ZNF99: variants seen among roughly 807,000 people sequenced by gnomAD.
ZNF99 encodes the protein zinc finger protein 99.
In ZNF99, 8 loss-of-function variants were observed where a neutral mutation model predicts 12.8. The ratio of observed to expected loss-of-function variants is 0.62; its 90% confidence interval spans 0.37 to 1.13. ZNF99 has a LOEUF of 1.13. Ranked by LOEUF, ZNF99 falls within the 50% of genes most tolerant of loss-of-function variation. The pLI, the probability that ZNF99 is intolerant of heterozygous loss-of-function variation, is 0.02. For missense variants in ZNF99, 1,007 were observed against 1,006.2 expected (o/e 1.00, Z -0.01); for synonymous variants, 318 against 319.0 (o/e 1.00, Z 0.03).
At chr19:22,771,492 T>C (rs1973270098) in intron 1 of ZNF99, among the ~76,000 whole-genome samples, 1 of 151,846 alleles carries the variant, frequency 6.6e-6, no homozygotes, top group East Asian at 2.0e-4. Context: ...CCTGACCTCG[T>C]GATCCGCCTG....
chr19:22,757,721 C>T lies in ZNF99; in HGVS notation c.2188G>A (p.Glu730Lys), dbSNP rs772856271. ...LRKHEIIHTGEKPYKCEECGK... is the reference protein window; with the variant it reads ...LRKHEIIHTGKKPYKCEECGK... ...CATTCTTCACATTTGTAGGGTTTCTCTCCAGTATGAATTATCTCATGTTTT... is the reference window on the plus strand; with the variant it reads ...CATTCTTCACATTTGTAGGGTTTCTTTCCAGTATGAATTATCTCATGTTTT... The change falls in exon 4 of 4, where the codon GAG becomes AAG. Residue 730 changes from glutamate to lysine, a missense_variant. Glu to Lys is a moderately conservative substitution (Grantham distance 56, BLOSUM62 1). Coordinates refer to ENST00000596209, the MANE Select transcript of ZNF99 (RefSeq NM_001080409.3). The T allele has an allele frequency of 6.2e-7, 1 of 1,611,114 alleles. No individual in the cohort carries two copies. The highest frequency in any genetic ancestry group is 8.5e-7 in the Non-Finnish European group (1 of 1,179,462).
In ZNF99 at chr19:22,784,138, C is replaced by A; in HGVS notation, c.-122G>T. On this transcript the variant is annotated 5_prime_UTR_variant, in exon 1 of 4. Coordinates refer to ENST00000596209, the MANE Select transcript of ZNF99 (RefSeq NM_001080409.3). ...ACGAGATCCGGAGCTCCAGCTGGAA[C>A]CAGAAACAACGGCCCCGCCACATCC... is the stretch of plus-strand genomic sequence containing the variant. The A allele has an allele frequency of 9.1e-7, 1 of 1,098,620 alleles. No homozygotes were observed. The highest frequency in any genetic ancestry group is 1.3e-6 in the Non-Finnish European group (1 of 763,314). 68.1% of individuals were successfully genotyped at this position (1,098,620 alleles called of 1,614,324 possible).
At chr19:22,769,770 A>T (rs1973245725) in intron 1 of ZNF99, 5 of 1,065,206 alleles carry the variant, frequency 4.7e-6, no homozygotes, top group Non-Finnish European at 4.9e-6. Flanking sequence ...CAAAAAAAAA[A>T]AAATAAAGAA....
intron 1 of ZNF99, among the ~76,000 whole-genome samples, chr19:22,775,232 A>G (rs1277513828): frequency 6.6e-6 from 1 of 152,178 alleles, no homozygotes; most frequent in Non-Finnish European, 1.5e-5. Context: ...ACAATGCAAC[A>G]GAATAGAGAG....
chr19:22,778,773 AG>A (rs1414452106), intron 1 of ZNF99, among the ~76,000 whole-genome samples: 1 of 152,192 alleles, frequency 6.6e-6, no homozygotes. Flanking sequence ...TGGGAGGCCA[AG>A]GTGGGCGATC....
In ZNF99 at chr19:22,757,007, T is replaced by C. The variant is rs372000791; in HGVS notation, c.*307A>G. On this transcript the variant is annotated 3_prime_UTR_variant, in exon 4 of 4. Transcript: ENST00000596209. ...CTTATGTTTCCTAAGGGCTGAGAAATTGCTAAAAGCTTTGCCACATTCTTC... is the reference window on the plus strand; with the variant it reads ...CTTATGTTTCCTAAGGGCTGAGAAACTGCTAAAAGCTTTGCCACATTCTTC... The C allele has an allele frequency of 5.0e-6, 8 of 1,612,790 alleles. No individual in the cohort carries two copies. In the African/African-American group the frequency reaches 1.1e-4, roughly 22 times the overall value.
chr19:22,771,883 AATTTTTGT>A (rs1435051467), intron 1 of ZNF99, among the ~76,000 whole-genome samples: 1 of 133,714 alleles, frequency 7.5e-6, no homozygotes. Context: ...ACGCCCGGCT[AATTTTTGT>A]ATTTTTAGTA....
intron 1 of ZNF99, among the ~76,000 whole-genome samples, chr19:22,782,093 A>G (rs1973393974): frequency 6.6e-6 from 1 of 152,214 alleles, no homozygotes; most frequent in African/African-American, 2.4e-5. Flanking sequence ...AAAATAAAAT[A>G]CAGTATCAAA....
At position 22,753,255 on chromosome 19, in the gene ZNF99, G is replaced by A. The variant is rs948146149; in HGVS notation, c.*4059C>T. 6.6e-6 allele frequency: 1 copy of A among 151,630 alleles called. No homozygotes were observed. The highest frequency in any genetic ancestry group is 1.5e-5 in the Non-Finnish European group (1 of 67,918). 9.4% of individuals were successfully genotyped at this position (151,630 alleles called of 1,614,324 possible). A position where few individuals can be genotyped will look rare whatever the true frequency, so the allele number is the denominator to read the frequency against. ...CAAAAAATCACCTCCTCTTTTTTAA[G>A]TTATATGCAAATAACTTATCTAAAT... On this transcript the variant is annotated 3_prime_UTR_variant, in exon 4 of 4. Coordinates refer to ENST00000596209, the MANE Select transcript of ZNF99 (RefSeq NM_001080409.3).
In ZNF99 at chr19:22,759,034, T is replaced by C. The variant is rs772810201; in HGVS notation, c.875A>G (p.Lys292Arg). The C allele has an allele frequency of 1.4e-5, 23 of 1,613,894 alleles. No homozygotes were observed. In the South Asian group the frequency reaches 2.4e-4, roughly 17 times the overall value. ...KKPYKCEECG[K>R]AFKQSSHLTR... ...AAGGTGTGAGGATTGCTTAAAAGCTTTGCCACATTCTTCACATTTATATGG... is the reference window on the plus strand; with the variant it reads ...AAGGTGTGAGGATTGCTTAAAAGCTCTGCCACATTCTTCACATTTATATGG... The change falls in exon 4 of 4, where the codon AAA becomes AGA. Residue 292 changes from lysine to arginine, a missense_variant. Transcript: ENST00000596209.
intron 1 of ZNF99, among the ~76,000 whole-genome samples, chr19:22,782,813 G>A (rs1973404078): frequency 6.6e-6 from 1 of 151,440 alleles, no homozygotes; most frequent in Non-Finnish European, 1.5e-5. Context: ...TGGGATTACA[G>A]GCATCTGCCA....
At chr19:22,764,564 G>GA (rs1344342587) in intron 3 of ZNF99, among the ~76,000 whole-genome samples, 2 of 151,726 alleles carry the variant, frequency 1.3e-5, no homozygotes, top group Non-Finnish European at 2.9e-5. Flanking sequence ...CAGAGTAGGA[G>GA]AAAATCTTCA....
intron 3 of ZNF99, among the ~76,000 whole-genome samples, chr19:22,761,949 G>T (rs1284412078): frequency 1.3e-5 from 2 of 151,996 alleles, no homozygotes; most frequent in Non-Finnish European, 2.9e-5. Flanking sequence ...AACAACAAAA[G>T]TGATACAACC....
At chr19:22,780,476 T>G (rs1402123350) in intron 1 of ZNF99, among the ~76,000 whole-genome samples, 2 of 152,138 alleles carry the variant, frequency 1.3e-5, no homozygotes, top group Non-Finnish European at 2.9e-5. Context: ...GCGGATCACC[T>G]GAGGTTGGGA....
intron 1 of ZNF99, among the ~76,000 whole-genome samples, chr19:22,778,222 C>T (rs1599450126): frequency 6.6e-6 from 1 of 151,938 alleles, no homozygotes; most frequent in East Asian, 1.9e-4. Flanking sequence ...CCTCTCTCAC[C>T]CTGGGAGGAG....
intron 1 of ZNF99, among the ~76,000 whole-genome samples, chr19:22,780,464 G>A (rs560520576): frequency 5.3e-5 from 8 of 152,076 alleles, no homozygotes; most frequent in African/African-American, 1.2e-4. Context: ...AGGCTGAGGC[G>A]GGCGGATCAC....
At chr19:22,760,619 C>G (rs34509183) in intron 3 of ZNF99, among the ~76,000 whole-genome samples, 15,596 of 151,948 alleles carry the variant, frequency 0.1, 1,799 homozygotes, top group African/African-American at 0.29. Context: ...TGGCGGGCAT[C>G]TGTAGTCCCA....
chr19:22,782,278 T>G (rs941265120), intron 1 of ZNF99, among the ~76,000 whole-genome samples: 2 of 152,190 alleles, frequency 1.3e-5, no homozygotes, highest in East Asian at 3.9e-4. Flanking sequence ...ATCAGTCATC[T>G]GAGGAGTGTG....
In ZNF99 at chr19:22,758,574, T is replaced by A. The variant is rs1254996726; in HGVS notation, c.1335A>T (p.Ile445=). 3.1e-6 allele frequency: 5 copies of A among 1,613,280 alleles called. No homozygotes were observed. The highest frequency in any genetic ancestry group is 3.4e-6 in the Non-Finnish European group (4 of 1,179,684). The change falls in exon 4 of 4, where the codon ATA becomes ATT. Residue 445 remains isoleucine (I), a synonymous_variant. Transcript: ENST00000596209. ...KRFSALRKHK[I]IHTGKQPYKC... ...TGTAGGGTTGCTTTCCAGTATGAAT[T>A]ATCTTATGTTTTCTAAGGGCTGAGA...
Sources: gnomAD v4.1 joint callset for allele counts (sites outside exome capture counted in the v4.1 genomes callset) on GRCh38, gnomAD v4.1.1 for gene constraint, MANE v1.5 for transcripts, NCBI Gene and HGNC (gene_info 2026-07-23, HGNC 2026-07-21) for gene names.